Variants in C12orf50 observed in about 807,000 individuals in gnomAD.
The protein encoded by C12orf50 is zinc finger CCCH-type containing 11D.
In C12orf50, 35 loss-of-function variants were observed where a neutral mutation model predicts 61.6. That is an observed-to-expected ratio of 0.57 (90% CI 0.43 to 0.75). C12orf50 has a LOEUF of 0.75. Among genes scored for constraint, C12orf50 ranks in the 30% least tolerant of loss-of-function variants. The pLI, the probability that C12orf50 is intolerant of heterozygous loss-of-function variation, is 0.00. For synonymous variants in C12orf50, 178 were observed against 161.5 expected, an observed-to-expected ratio of 1.10 and a Z score of -0.77; for missense variants, 475 against 488.5, an observed-to-expected ratio of 0.97 and a Z score of 0.26.
chr12:88,026,685 C>G (rs1335974657), intron 2 of C12orf50, 77 bp from the exon 3 acceptor site: 1 of 1,523,782 alleles, frequency 6.6e-7, no homozygotes, highest in African/African-American at 1.4e-5. Context: ...TACAATACAG[C>G]ACAAGGACAC....
At chr12:88,023,632 C>A in intron 3 of C12orf50, among the ~76,000 whole-genome samples, 1 of 148,576 alleles carries the variant, frequency 6.7e-6, no homozygotes. Flanking sequence ...CACACCGTTG[C>A]ACTCCAGCCT....
In C12orf50 at chr12:88,026,547, C is replaced by G. The variant is rs2032714099; in HGVS notation, c.74G>C (p.Cys25Ser). Residue 25 changes from cysteine (C) to serine (S), a missense_variant, in exon 3 of 13, where the codon TGT (cysteine) becomes TCT (serine). Transcript: ENST00000298699. ...TQPLGCVKIS[C>S]IFYHSKPRNI... ...TCGAGGTTTGCTGTGATAAAAGATA[C>G]AGCTGATCTTCACACAACCAAGAGG... 2.5e-6 allele frequency: 4 copies of G among 1,613,916 alleles called. No homozygotes were observed. The highest frequency in any genetic ancestry group is 2.7e-5 in the African/African-American group (2 of 75,046).
chr12:87,992,155 T>A (rs1287904253), intron 7 of C12orf50, among the ~76,000 whole-genome samples: 1 of 151,924 alleles, frequency 6.6e-6, no homozygotes. Context: ...CTCAAGAGAG[T>A]CACTTAAGAC....
chr12:88,011,739 T>C (rs769515206), intron 3 of C12orf50, among the ~76,000 whole-genome samples: 1 of 152,158 alleles, frequency 6.6e-6, no homozygotes, highest in Non-Finnish European at 1.5e-5. Flanking sequence ...GTAACTGTAG[T>C]ACATAGAGAA....
intron 6 of C12orf50, 94 bp downstream of exon 6, chr12:87,996,280 A>C (rs2031384925): frequency 3.4e-6 from 3 of 871,960 alleles, no homozygotes; most frequent in Non-Finnish European, 5.4e-6. Context: ...ATTATTTATC[A>C]CTTTATTCTT....
At chr12:88,015,947 A>G (rs1013776600) in intron 3 of C12orf50, among the ~76,000 whole-genome samples, 3 of 152,146 alleles carry the variant, frequency 2.0e-5, no homozygotes, top group Non-Finnish European at 4.4e-5. Context: ...AAAATGTAGG[A>G]CTCCTGATAA....
intron 3 of C12orf50, among the ~76,000 whole-genome samples, chr12:88,006,210 C>G (rs1197137861): frequency 6.6e-6 from 1 of 152,136 alleles, no homozygotes; most frequent in Non-Finnish European, 1.5e-5. Flanking sequence ...GCCACCGCGC[C>G]TGGCCCAAAA....
chr12:88,029,116 GC>G, intron 1 of C12orf50: 1 of 1,284,130 alleles, frequency 7.8e-7, no homozygotes, highest in South Asian at 1.3e-5. Context: ...CCCAACTTCT[GC>G]CATTTTCAAC....
At chr12:88,025,651 A>G (rs1486956726) in intron 3 of C12orf50, among the ~76,000 whole-genome samples, 9 of 152,186 alleles carry the variant, frequency 5.9e-5, no homozygotes, top group Non-Finnish European at 1.0e-4. Flanking sequence ...AGGCATGAGA[A>G]TTGCTTGAAC....
intron 3 of C12orf50, among the ~76,000 whole-genome samples, chr12:88,007,804 A>G (rs1186885375): frequency 2.0e-5 from 3 of 152,192 alleles, no homozygotes; most frequent in African/African-American, 7.2e-5. Context: ...GATATGCAAT[A>G]ATTATCAATA....
rs1409844512 is a variant in C12orf50, at chr12:87,996,555, G to A, written c.367+14C>T. ...ATCAAGTATTAGAAAATACAAAAAT[G>A]TTTGATTTCTTACCAGATTTATAAC... On this transcript the variant is annotated intron_variant, in intron 5 of 12. Transcript: ENST00000298699. 6.2e-7 allele frequency: 1 copy of A among 1,600,730 alleles called. No individual in the cohort carries two copies. The highest frequency in any genetic ancestry group is 2.2e-5 in the East Asian group (1 of 44,654).
Position 87,994,673 on chromosome 12 carries a change from A to G in C12orf50, c.552T>C (p.His184=). 1 of 1,613,402 alleles carries G rather than the reference A, an allele frequency of 6.2e-7. No homozygotes were observed. Among genetic ancestry groups the G allele is most frequent in the Non-Finnish European group, 8.5e-7 (1 of 1,179,580 alleles). ...CAGCAATGTCAGTCTTTGGTTTCCC[A>G]TGCAATGATGTTTTTATTTCACCTT... ...ERQGEIKTSL[H]GKPKTDIAAF... Residue 184 remains histidine (H), a synonymous_variant, in exon 7 of 13, where the codon CAT becomes CAC. Coordinates refer to ENST00000298699, the MANE Select transcript of C12orf50 (RefSeq NM_152589.3).
chr12:88,027,151 A>G (rs2032738607), intron 1 of C12orf50, 81 bp from the exon 2 acceptor site: 1 of 1,358,454 alleles, frequency 7.4e-7, no homozygotes, highest in South Asian at 1.5e-5. Flanking sequence ...AATTAGTTAA[A>G]CGAAATATGA....
chr12:88,008,256 C>T (rs2031965178), intron 3 of C12orf50, among the ~76,000 whole-genome samples: 1 of 152,120 alleles, frequency 6.6e-6, no homozygotes, highest in Non-Finnish European at 1.5e-5. Context: ...GTGTTGTTCT[C>T]CTCTATGTGT....
intron 8 of C12orf50, 93 bp downstream of exon 8, chr12:87,989,171 A>C (rs1396020378): frequency 1.2e-6 from 1 of 837,790 alleles, no homozygotes; most frequent in Non-Finnish European, 1.9e-6. Context: ...TTGATTTATT[A>C]CCATTCCTCT....
intron 3 of C12orf50, among the ~76,000 whole-genome samples, chr12:88,016,516 G>A (rs1592679950): frequency 6.6e-6 from 1 of 152,258 alleles, no homozygotes; most frequent in South Asian, 2.1e-4. Context: ...AAATAAAGAA[G>A]CAATGCAGTA....
At chr12:87,990,323 C>G (rs1178963944) in intron 7 of C12orf50, among the ~76,000 whole-genome samples, 3 of 152,118 alleles carry the variant, frequency 2.0e-5, no homozygotes, top group African/African-American at 4.8e-5. Flanking sequence ...ATCCTTTATT[C>G]TACAAGTATT....
At position 87,989,280 on chromosome 12, in the gene C12orf50, T is replaced by C; in HGVS notation, c.684A>G (p.Lys228=). The part of the protein sequence containing the change: ...LTEEKEITIS[K]CSNTKDNKDS... The stretch of plus-strand genomic sequence containing the variant: ...ATTCATTACCTTTAGTATTTGAACA[T>C]TTTGATATGGTGATTTCTTTCTCTT... Residue 228 remains lysine (K), a synonymous_variant, in exon 8 of 13, where the codon AAA becomes AAG. Coordinates refer to ENST00000298699, the MANE Select transcript of C12orf50 (RefSeq NM_152589.3). 1 of 1,606,488 alleles carries C rather than the reference T, an allele frequency of 6.2e-7. No homozygotes were observed.
Position 87,980,309 on chromosome 12 carries a change from T to C in C12orf50, c.*22A>G. 1.2e-6 allele frequency: 2 copies of C among 1,604,590 alleles called. No homozygotes were observed. The highest frequency in any genetic ancestry group is 1.7e-6 in the Non-Finnish European group (2 of 1,174,422). On this transcript the variant is annotated 3_prime_UTR_variant, in exon 13 of 13. Coordinates refer to ENST00000298699, the MANE Select transcript of C12orf50 (RefSeq NM_152589.3). Reference sequence around the variant, plus strand: ...GATGTCTGGCAATTTTTTCTCATTTTTCTCTCTCTCAACCTCCAGGTTTAC... The same window carrying C: ...GATGTCTGGCAATTTTTTCTCATTTCTCTCTCTCTCAACCTCCAGGTTTAC...
Sources: allele counts gnomAD v4.1 joint callset (sites outside exome capture counted in the v4.1 genomes callset), GRCh38; gene constraint gnomAD v4.1.1; transcripts MANE v1.5; gene names NCBI Gene and HGNC (gene_info 2026-07-23, HGNC 2026-07-21).